Variants in TENM3 observed in about 807,000 individuals in gnomAD.
TENM3 encodes the protein teneurin transmembrane protein 3.
A neutral mutation model predicts 255.1 loss-of-function variants in TENM3; 63 were observed. The observed-to-expected ratio is 0.25, with a 90% confidence interval of 0.20 to 0.30. The LOEUF is 0.30. Ranked by LOEUF, TENM3 falls within the 10% of genes least tolerant of loss-of-function variation. The probability of loss-of-function intolerance (pLI) is 1.00; values close to 1 mark genes in which losing one functional copy is unlikely to be tolerated. For missense variants in TENM3, 2,929 were observed against 3,461.1 expected (o/e 0.85, Z 3.86); for synonymous variants, 1,306 against 1,322.3 (o/e 0.99, Z 0.27).
the TENM3 span, among the ~76,000 whole-genome samples, chr4:181,644,809 CCT>C: frequency 6.6e-6 from 1 of 152,046 alleles, no homozygotes; most frequent in East Asian, 1.9e-4. Context: ...CTGTCTACCT[CCT>C]CTCTGATTTT....
intron 22 of TENM3, among the ~76,000 whole-genome samples, chr4:182,769,344 C>T (rs193163449): frequency 0.029 from 4,448 of 151,668 alleles, 178 homozygotes; most frequent in South Asian, 0.1. Context: ...GGTCATTTTT[C>T]TGATGTCTTT....
At chr4:182,565,895 G>A (rs540811345) in intron 3 of TENM3, among the ~76,000 whole-genome samples, 31 of 152,206 alleles carry the variant, frequency 2.0e-4, no homozygotes, top group African/African-American at 5.8e-4. Flanking sequence ...AACTAGAAGG[G>A]CCCCTTAATT....
At chr4:182,440,875 T>A (rs1772427020) in intron 3 of TENM3, among the ~76,000 whole-genome samples, 1 of 152,048 alleles carries the variant, frequency 6.6e-6, no homozygotes, top group African/African-American at 2.4e-5. Context: ...TGAAGGTTTG[T>A]TACATAAGTA....
the TENM3 span, among the ~76,000 whole-genome samples, chr4:181,538,390 C>T: frequency 6.6e-6 from 1 of 151,664 alleles, no homozygotes; most frequent in Non-Finnish European, 1.5e-5. Flanking sequence ...CACTTGTAAG[C>T]AATAGTAAAC....
chr4:182,643,097 G>A (rs909791260), intron 5 of TENM3, among the ~76,000 whole-genome samples: 5 of 152,124 alleles, frequency 3.3e-5, no homozygotes, highest in African/African-American at 7.2e-5. Context: ...CTTCACATGC[G>A]ATACTTTCAT....
intron 1 of TENM3, among the ~76,000 whole-genome samples, chr4:182,312,013 G>A (rs1459778833): frequency 6.6e-6 from 1 of 152,188 alleles, no homozygotes; most frequent in Non-Finnish European, 1.5e-5. Context: ...AGAAATAAAT[G>A]GAAGAGCACC....
intron 1 of TENM3, among the ~76,000 whole-genome samples, chr4:182,272,932 C>A (rs913920927): frequency 7.2e-5 from 11 of 152,006 alleles, no homozygotes; most frequent in Admixed American, 7.2e-4. Flanking sequence ...CGGTATGAGT[C>A]CTGCAGGATC....
intron 3 of TENM3, among the ~76,000 whole-genome samples, chr4:182,423,080 T>C (rs1001032730): frequency 2.0e-5 from 3 of 152,242 alleles, no homozygotes; most frequent in Non-Finnish European, 2.9e-5. Flanking sequence ...CTGTGATCCA[T>C]AAAATTAATT....
the TENM3 span, among the ~76,000 whole-genome samples, chr4:181,925,369 A>C: frequency 6.6e-6 from 1 of 152,334 alleles, no homozygotes; most frequent in Non-Finnish European, 1.5e-5. Flanking sequence ...AAAGAACATT[A>C]TTGGTTTACC....
chr4:182,714,267 C>T (rs766750698), intron 13 of TENM3, 34 bp downstream of exon 13: 46 of 1,524,592 alleles, frequency 3.0e-5, no homozygotes, highest in Non-Finnish European at 4.0e-5. Flanking sequence ...CGAGTCTGTG[C>T]CAGAGCACAG....
chr4:181,675,729 G>A, the TENM3 span, among the ~76,000 whole-genome samples: 14 of 152,144 alleles, frequency 9.2e-5, no homozygotes, highest in African/African-American at 2.2e-4. Flanking sequence ...TTGCTCTACC[G>A]TTGCCGCACG....
chr4:182,055,349 CAATA>C, the TENM3 span, among the ~76,000 whole-genome samples: 61 of 148,894 alleles, frequency 4.1e-4, no homozygotes, highest in African/African-American at 1.1e-3. Context: ...TGTCTCAAAA[CAATA>C]AATAAATAAA....
the TENM3 span, among the ~76,000 whole-genome samples, chr4:181,641,552 GTGTATATATATATATATATATATATATA>G: frequency 3.7e-4 from 8 of 21,690 alleles, no homozygotes; most frequent in East Asian, 2.6e-3. Flanking sequence ...CATGGTGTGT[GTGTATATATATATATATATATATATATA>G]TATATATATA....
the TENM3 span, among the ~76,000 whole-genome samples, chr4:181,897,855 T>C: frequency 6.6e-6 from 1 of 152,206 alleles, no homozygotes; most frequent in Non-Finnish European, 1.5e-5. Context: ...CTTCCCCTTC[T>C]TTTCTTTTCT....
At chr4:182,761,878 C>T (rs1240365174) in intron 22 of TENM3, among the ~76,000 whole-genome samples, 3 of 151,910 alleles carry the variant, frequency 2.0e-5, no homozygotes, top group Non-Finnish European at 4.4e-5. Flanking sequence ...AAATTATTAA[C>T]CAAAACGTGT....
At chr4:181,965,210 T>TA in the TENM3 span, among the ~76,000 whole-genome samples, 2 of 152,136 alleles carry the variant, frequency 1.3e-5, no homozygotes, top group Admixed American at 1.3e-4. Context: ...CTCCTTATTT[T>TA]AAAAAAATAA....
At chr4:182,053,719 T>C in the TENM3 span, among the ~76,000 whole-genome samples, 1 of 152,196 alleles carries the variant, frequency 6.6e-6, no homozygotes, top group East Asian at 1.9e-4. Context: ...TTGATTTATT[T>C]TGTATTTCAC....
At chr4:181,866,408 T>A in the TENM3 span, among the ~76,000 whole-genome samples, 4 of 152,220 alleles carry the variant, frequency 2.6e-5, no homozygotes, top group East Asian at 7.7e-4. Context: ...TGCCTTGCTT[T>A]GTTTCTTCGG....
the TENM3 span, among the ~76,000 whole-genome samples, chr4:181,478,503 G>A: frequency 7.2e-5 from 11 of 152,142 alleles, no homozygotes; most frequent in Admixed American, 6.5e-4. Flanking sequence ...CTGAACGTCC[G>A]TGCTGTCTGC....
Sources: gnomAD v4.1 joint callset for allele counts (sites outside exome capture counted in the v4.1 genomes callset) on GRCh38, gnomAD v4.1.1 for gene constraint, MANE v1.5 for transcripts, NCBI Gene and HGNC (gene_info 2026-07-23, HGNC 2026-07-21) for gene names.